Variants in FBRSL1 observed in about 807,000 individuals in gnomAD.
FBRSL1 encodes fibrosin like 1, also known as fibrosin-1-like protein.
A neutral mutation model predicts 89.6 loss-of-function variants in FBRSL1; 51 were observed. That is an observed-to-expected ratio of 0.57 (90% confidence interval 0.45 to 0.72). The LOEUF (loss-of-function observed/expected upper bound fraction) is 0.72. Ranked by LOEUF, FBRSL1 falls within the 30% of genes least tolerant of loss-of-function variation. The pLI, the probability that FBRSL1 is intolerant of heterozygous loss-of-function variation, is 0.00. For synonymous variants in FBRSL1, 779 were observed against 681.1 expected, an observed-to-expected ratio of 1.14 and a Z score of -2.24; for missense variants, 1,618 against 1,451.8, an observed-to-expected ratio of 1.11 and a Z score of -1.86.
chr12:132,563,741 TCC>T (rs1566209548), intron 5 of FBRSL1, among the ~76,000 whole-genome samples: 24 of 100,468 alleles, frequency 2.4e-4, no homozygotes, highest in Non-Finnish European at 3.2e-4. Flanking sequence ...ACCCCCGAGC[TCC>T]TGTGCACCCC....
chr12:132,505,682 T>C (rs1593264311), intron 1 of FBRSL1, among the ~76,000 whole-genome samples: 1 of 152,310 alleles, frequency 6.6e-6, no homozygotes, highest in African/African-American at 2.4e-5. Context: ...TGCCTGGGCC[T>C]CCTTGGTCGT....
Position 132,499,427 on chromosome 12 carries a change from A to G in FBRSL1, c.291+8566A>G, listed in dbSNP as rs527630150. On this transcript the variant is annotated intron_variant, in intron 1 of 18. Transcript: ENST00000680143. The surrounding 1 kb of genome is among the most constrained non-coding windows in gnomAD (Gnocchi z 4.3). Reference sequence around the variant, plus strand: ...TCCCTGACAGACTTTATAAGCATTTATTGAGCACCGGCTGTGTGCCAGGCC... The same window carrying G: ...TCCCTGACAGACTTTATAAGCATTTGTTGAGCACCGGCTGTGTGCCAGGCC... Among the ~76,000 whole-genome samples the G allele has an allele frequency of 1.0e-3, 157 of 152,312 alleles. No individual in the cohort carries two copies. Among genetic ancestry groups the G allele is most frequent in the Non-Finnish European group, 2.0e-3 (133 of 68,018 alleles).
intron 15 of FBRSL1, among the ~76,000 whole-genome samples, chr12:132,578,218 G>A (rs1399722080): frequency 6.6e-6 from 1 of 152,128 alleles, no homozygotes; most frequent in African/African-American, 2.4e-5. Context: ...GGTGGCGCAC[G>A]CCCGTGGTCC....
rs552896386 is a variant in FBRSL1 at position 132,546,421 on chromosome 12, G to A, written c.616-1582G>A. Among the ~76,000 whole-genome samples, 318 of 152,362 alleles carry A rather than the reference G, an allele frequency of 2.1e-3. 1 individual carries two copies. The highest frequency in any genetic ancestry group is 3.5e-3 in the Non-Finnish European group (241 of 68,034). ...GGGCCGGGCTGGGCGGGTGCAGGTG[G>A]GACTGAGGCCCTTCTCTACCTCTCA... On this transcript the variant is annotated intron_variant, in intron 4 of 18. Transcript: ENST00000680143. This position sits in a 1 kb window ranked among gnomAD's most constrained non-coding sequence, Gnocchi z 4.0.
chr12:132,492,333 C>T (rs2031167515), intron 1 of FBRSL1, among the ~76,000 whole-genome samples: 1 of 152,148 alleles, frequency 6.6e-6, no homozygotes, highest in Admixed American at 6.5e-5. Context: ...AAGTGGTGCC[C>T]CCCACCCCCG....
At chr12:132,495,757 A>G (rs2031913769) in intron 1 of FBRSL1, among the ~76,000 whole-genome samples, 1 of 152,190 alleles carries the variant, frequency 6.6e-6, no homozygotes, top group Non-Finnish European at 1.5e-5. Context: ...GAGGCCCTGA[A>G]AGCAGCGTCG....
Position 132,570,124 on chromosome 12 carries a change from A to G in FBRSL1, c.890A>G (p.His297Arg). ...VKKEPPAPHR[H>R]TPQPPPPQPR... ...AAGGAACCCCCCGCCCCGCACCGCC[A>G]CACCCCGCAGCCGCCACCCCCGCAG... Residue 297 changes from histidine (H) to arginine (R), a missense_variant, in exon 7 of 19, where the codon CAC becomes CGC. Transcript: ENST00000680143. 1 of 1,472,548 alleles carries G rather than the reference A, an allele frequency of 6.8e-7. No homozygotes were observed. Among genetic ancestry groups the G allele is most frequent in the South Asian group, 1.3e-5 (1 of 77,488 alleles). 91.2% of individuals were successfully genotyped at this position (1,472,548 alleles called of 1,614,324 possible). A position where few individuals can be genotyped will look rare whatever the true frequency, so the allele number is the denominator to read the frequency against.
chr12:132,498,652 C>T (rs2032459901), intron 1 of FBRSL1, among the ~76,000 whole-genome samples: 1 of 152,182 alleles, frequency 6.6e-6, no homozygotes, highest in African/African-American at 2.4e-5. Context: ...TGCCGGGGCC[C>T]CTTGAGGTGC....
chr12:132,559,651 C>T (rs911194118), intron 5 of FBRSL1, among the ~76,000 whole-genome samples: 5 of 152,194 alleles, frequency 3.3e-5, no homozygotes, highest in African/African-American at 1.2e-4. Context: ...ATCCGCCCAC[C>T]TCGGCCTCCC....
intron 1 of FBRSL1, among the ~76,000 whole-genome samples, chr12:132,501,998 C>A (rs142939119): frequency 1.3e-5 from 2 of 152,342 alleles, no homozygotes; most frequent in South Asian, 2.1e-4. Context: ...TCCTTTTATT[C>A]TTTTCGTTAT....
intron 5 of FBRSL1, among the ~76,000 whole-genome samples, chr12:132,556,414 C>A (rs182886695): frequency 6.6e-6 from 1 of 152,152 alleles, no homozygotes; most frequent in South Asian, 2.1e-4. Context: ...CTACCCCCCA[C>A]GCCACGACTC....
chr12:132,577,343 G>T (rs984344782), intron 15 of FBRSL1, among the ~76,000 whole-genome samples: 9 of 152,112 alleles, frequency 5.9e-5, no homozygotes, highest in Non-Finnish European at 7.4e-5. Flanking sequence ...CCAGGCCCAC[G>T]CGAGGCTGCC....
At chr12:132,520,100 C>G (rs568617463) in intron 2 of FBRSL1, among the ~76,000 whole-genome samples, 5 of 151,014 alleles carry the variant, frequency 3.3e-5, no homozygotes, top group Non-Finnish European at 7.4e-5. Context: ...CTCCAGCACA[C>G]CCTCCTTGCA....
chr12:132,571,439 C>T (rs765761087), intron 9 of FBRSL1: 29 of 1,550,670 alleles, frequency 1.9e-5, no homozygotes, highest in African/African-American at 4.1e-5. Flanking sequence ...CACCAGCACA[C>T]GCACCAACAC....
chr12:132,525,532 C>G (rs2035718166), intron 2 of FBRSL1, among the ~76,000 whole-genome samples: 1 of 152,230 alleles, frequency 6.6e-6, no homozygotes, highest in Admixed American at 6.5e-5. Context: ...GTGCAGAGCT[C>G]TGTCCTGCTG....
At chr12:132,509,831 G>A in intron 2 of FBRSL1, 1 of 1,231,892 alleles carries the variant, frequency 8.1e-7, no homozygotes, top group African/African-American at 1.6e-5. Flanking sequence ...AGCGGTACCA[G>A]CCCCCGCGGC....
chr12:132,585,068 A>G lies in FBRSL1; in HGVS notation c.*1290A>G, dbSNP rs1289740669. 6.6e-6 allele frequency: 1 copy of G among 151,904 alleles called. No homozygotes were observed. The highest frequency in any genetic ancestry group is 1.5e-5 in the Non-Finnish European group (1 of 67,978). 9.4% of individuals were successfully genotyped at this position (151,904 alleles called of 1,614,324 possible). A position where few individuals can be genotyped will look rare whatever the true frequency, so the allele number is the denominator to read the frequency against. The stretch of plus-strand genomic sequence containing the variant: ...TCCCAGCCTTCGGGGTCAGCCGTCG[A>G]GCCACTTGCTTTGCTCAGTTCTGTG... On this transcript the variant is annotated 3_prime_UTR_variant, in exon 19 of 19. Coordinates refer to ENST00000680143, the MANE Select transcript of FBRSL1 (RefSeq NM_001367871.1).
rs554297124 is a variant in FBRSL1, at chr12:132,499,724, G to T, written c.292-8429G>T. 5.3e-5 allele frequency among the ~76,000 whole-genome samples: 8 copies of T among 151,974 alleles called. No homozygotes were observed. Among genetic ancestry groups the T allele is most frequent in the Non-Finnish European group, 1.0e-4 (7 of 67,958 alleles). On this transcript the variant is annotated intron_variant, in intron 1 of 18. Transcript: ENST00000680143. The surrounding 1 kb of genome is among the most constrained non-coding windows in gnomAD (Gnocchi z 4.3). ...TGTGGCTGGGGGGCTGCAGGGCTGG[G>T]GGGTGGGGCGCTGCGCAGCACCTAA...
intron 2 of FBRSL1, among the ~76,000 whole-genome samples, chr12:132,524,390 T>G (rs1009916908): frequency 3.9e-5 from 6 of 152,260 alleles, no homozygotes; most frequent in Admixed American, 1.3e-4. Flanking sequence ...CTCAGGGGCC[T>G]GGGTGACATC....
Sources: allele counts gnomAD v4.1 joint callset (sites outside exome capture counted in the v4.1 genomes callset), GRCh38; gene constraint gnomAD v4.1.1; non-coding constraint Gnocchi (gnomAD v3.1); transcripts MANE v1.5; gene names NCBI Gene and HGNC (gene_info 2026-07-23, HGNC 2026-07-21).